Variants in HDAC9 observed in about 807,000 individuals in gnomAD.
HDAC9 encodes histone deacetylase 9, also known as MEF-2 interacting transcription repressor (MITR) protein.
A neutral mutation model predicts 139.4 loss-of-function variants in HDAC9; 41 were observed. The ratio of observed to expected loss-of-function variants is 0.29; its 90% CI spans 0.23 to 0.38. The LOEUF is 0.38. HDAC9 is among the 10% of genes least tolerant of loss of function. The pLI is 1.00. For missense variants in HDAC9, 1,147 were observed against 1,297.0 expected, an observed-to-expected ratio of 0.88 and a Z score of 1.78; for synonymous variants, 517 against 476.2, an observed-to-expected ratio of 1.09 and a Z score of -1.12.
In HDAC9 at chr7:18,344,485, A is replaced by G. The variant is rs147349960; in HGVS notation, c.-42+53970A>G. Among the ~76,000 whole-genome samples, 231 of 152,134 alleles carry G rather than the reference A, an allele frequency of 1.5e-3. 1 individual carries two copies. Among genetic ancestry groups the G allele is most frequent in the Middle Eastern group, 6.8e-3 (2 of 294 alleles). On this transcript the variant is annotated intron_variant, in intron 1 of 3. Transcript: ENST00000413509. Reference sequence around the variant, plus strand: ...TATAGATTATGTTAGTGACTGTTTCATAGCACTTATGTTTACAAATGGCTT... The same window carrying G: ...TATAGATTATGTTAGTGACTGTTTCGTAGCACTTATGTTTACAAATGGCTT...
chr7:18,909,375 C>T (rs1157440618), intron 22 of HDAC9, among the ~76,000 whole-genome samples: 1 of 151,922 alleles, frequency 6.6e-6, no homozygotes, highest in Non-Finnish European at 1.5e-5. Flanking sequence ...GTTTTCTTTG[C>T]TCTGCAGCTT....
At chr7:18,279,141 C>T (rs1044579987) in intron 2 of HDAC9, among the ~76,000 whole-genome samples, 23 of 152,146 alleles carry the variant, frequency 1.5e-4, no homozygotes, top group Admixed American at 6.5e-4. Flanking sequence ...AGCTCGCTTA[C>T]GAAGAAATGT....
At chr7:18,903,262 T>C (rs892730833) in intron 22 of HDAC9, among the ~76,000 whole-genome samples, 1 of 152,226 alleles carries the variant, frequency 6.6e-6, no homozygotes, top group African/African-American at 2.4e-5. Flanking sequence ...AGGCAAGTTG[T>C]TAATTTTTTT....
chr7:18,336,459 G>A (rs958763776), intron 1 of HDAC9, among the ~76,000 whole-genome samples: 3 of 151,554 alleles, frequency 2.0e-5, no homozygotes, highest in African/African-American at 7.3e-5. Context: ...GATTTATACT[G>A]TCCTCTCTGC....
chr7:18,447,681 A>G (rs1367699329), intron 1 of HDAC9, among the ~76,000 whole-genome samples: 1 of 152,232 alleles, frequency 6.6e-6, no homozygotes, highest in Non-Finnish European at 1.5e-5. Flanking sequence ...ATCCAGGCTG[A>G]ATATTGTAGC....
chr7:18,277,721 G>C (rs1489870943), intron 2 of HDAC9, among the ~76,000 whole-genome samples: 2 of 151,958 alleles, frequency 1.3e-5, no homozygotes, highest in Admixed American at 6.6e-5. Flanking sequence ...CCAAATATGG[G>C]AATATTTTCA....
At chr7:18,722,809 A>G (rs1381196058) in intron 12 of HDAC9, among the ~76,000 whole-genome samples, 1 of 152,184 alleles carries the variant, frequency 6.6e-6, no homozygotes, top group Non-Finnish European at 1.5e-5. Flanking sequence ...TCTCTCTTCT[A>G]TAGTCCTATT....
chr7:18,107,586 A>G (rs982197089), intron 1 of HDAC9, among the ~76,000 whole-genome samples: 1 of 152,216 alleles, frequency 6.6e-6, no homozygotes, highest in African/African-American at 2.4e-5. Flanking sequence ...AAAGAGTAGA[A>G]GCAAAAAAGT....
At chr7:18,180,711 G>A (rs1339421820) in intron 2 of HDAC9, among the ~76,000 whole-genome samples, 2 of 152,140 alleles carry the variant, frequency 1.3e-5, no homozygotes, top group Admixed American at 6.5e-5. Flanking sequence ...TTTCTATCTT[G>A]TATTAGTTTC....
chr7:18,843,282 C>A (rs547438633), intron 21 of HDAC9, among the ~76,000 whole-genome samples: 82 of 152,190 alleles, frequency 5.4e-4, no homozygotes, highest in Middle Eastern at 3.4e-3. Context: ...AAAATCCTCT[C>A]AATGTATGTG....
chr7:18,724,575 T>C (rs1785387336), intron 12 of HDAC9, among the ~76,000 whole-genome samples: 1 of 152,134 alleles, frequency 6.6e-6, no homozygotes, highest in African/African-American at 2.4e-5. Context: ...GTAGACATCA[T>C]AAACACTGTA....
At chr7:18,897,519 C>T (rs1366597404) in intron 22 of HDAC9, among the ~76,000 whole-genome samples, 2 of 151,818 alleles carry the variant, frequency 1.3e-5, no homozygotes, top group East Asian at 3.9e-4. Context: ...GTTTCTGATC[C>T]TTCCTGTTTG....
chr7:18,276,470 A>G (rs1477846895), intron 2 of HDAC9, among the ~76,000 whole-genome samples: 3 of 152,246 alleles, frequency 2.0e-5, no homozygotes, highest in South Asian at 2.1e-4. Context: ...ATTTTAACAC[A>G]TCTTTCTGTA....
chr7:18,530,366 A>G (rs1435963849), intron 2 of HDAC9, among the ~76,000 whole-genome samples: 1 of 152,180 alleles, frequency 6.6e-6, no homozygotes, highest in East Asian at 1.9e-4. Flanking sequence ...GTTGAGGGAC[A>G]CTTGCTGATG....
chr7:18,568,209 A>G (rs1266474248), intron 2 of HDAC9, among the ~76,000 whole-genome samples: 1 of 151,974 alleles, frequency 6.6e-6, no homozygotes, highest in African/African-American at 2.4e-5. Flanking sequence ...GGAAAAAGAG[A>G]TAATTTAGGA....
At chr7:18,753,102 A>G (rs1354091425) in intron 14 of HDAC9, among the ~76,000 whole-genome samples, 1 of 152,138 alleles carries the variant, frequency 6.6e-6, no homozygotes, top group African/African-American at 2.4e-5. Flanking sequence ...TAGAAGATAC[A>G]ATACCGAGTA....
At chr7:18,315,210 C>G (rs760464458) in intron 1 of HDAC9, among the ~76,000 whole-genome samples, 1 of 152,016 alleles carries the variant, frequency 6.6e-6, no homozygotes, top group Non-Finnish European at 1.5e-5. Context: ...TTTCCTATAC[C>G]TTATTGTAAA....
At chr7:18,226,539 G>A (rs1793069976) in intron 2 of HDAC9, among the ~76,000 whole-genome samples, 1 of 152,154 alleles carries the variant, frequency 6.6e-6, no homozygotes, top group Admixed American at 6.5e-5. Context: ...AAAAACTAAA[G>A]GAGTGGGGAA....
chr7:18,874,588 C>G lies in HDAC9; in HGVS notation c.2795C>G (p.Thr932Arg). The G allele has an allele frequency of 6.4e-7, 1 of 1,571,452 alleles. No individual in the cohort carries two copies. Among genetic ancestry groups the G allele is most frequent in the Non-Finnish European group, 8.7e-7 (1 of 1,152,196 alleles). The stretch of plus-strand genomic sequence containing the variant: ...CCTCCTCTAGGAGGGTACAAAGTGA[C>G]GGCAAAATGTAAGTACCTCTTTCAG... ...HTPPLGGYKV[T>R]AKCFGHLTKQ... The change falls in exon 22 of 26, where the codon ACG (threonine) becomes AGG (arginine). Residue 932 changes from threonine to arginine, a missense_variant. Physicochemically the swap from Thr to Arg is moderately conservative, Grantham distance 71. Transcript: ENST00000686413.
Sources: gnomAD v4.1 joint callset for allele counts (sites outside exome capture counted in the v4.1 genomes callset) on GRCh38, gnomAD v4.1.1 for gene constraint, MANE v1.5 for transcripts, NCBI Gene and HGNC (gene_info 2026-07-23, HGNC 2026-07-21) for gene names.